SUN2: variants seen among roughly 807,000 people sequenced by gnomAD.
The protein encoded by SUN2 is Sad1 and UNC84 domain containing 2, also known as SUN domain-containing protein 2.
In SUN2, 60 loss-of-function variants were observed where a neutral mutation model predicts 100.0. That is an observed-to-expected ratio of 0.60 (90% CI 0.49 to 0.74). The LOEUF (loss-of-function observed/expected upper bound fraction) is 0.74. Ranked by LOEUF, SUN2 falls within the 30% of genes least tolerant of loss-of-function variation. The pLI is 0.00. For synonymous variants in SUN2, 367 were observed against 403.3 expected, an observed-to-expected ratio of 0.91 and a Z score of 1.08; for missense variants, 834 against 954.6, an observed-to-expected ratio of 0.87 and a Z score of 1.66.
chr22:38,745,335 A>G (rs933984372), intron 8 of SUN2, among the ~76,000 whole-genome samples: 1 of 152,206 alleles, frequency 6.6e-6, no homozygotes, highest in African/African-American at 2.4e-5. Flanking sequence ...CAGACCAGAA[A>G]GACCACCCAG....
chr22:38,754,869 C>A (rs933424319), intron 1 of SUN2: 6 of 1,289,122 alleles, frequency 4.7e-6, no homozygotes, highest in East Asian at 1.1e-4. Context: ...GTCTTTCCTG[C>A]GGCATCCTGG....
rs975499363 is a variant in SUN2, at chr22:38,737,828, A to G, written c.2040+345T>C. On this transcript the variant is annotated intron_variant, in intron 17 of 17. Coordinates refer to ENST00000689035, the MANE Select transcript of SUN2 (RefSeq NM_015374.3). This position sits in a 1 kb window ranked among gnomAD's most constrained non-coding sequence, Gnocchi z 4.1. ...GCACTGCCTGAGGCTCCAGCTGGCC[A>G]TGGTAGAATGCCCGCGCCCTGGCAT... 10 of 495,000 alleles carry G rather than the reference A, an allele frequency of 2.0e-5. No homozygotes were observed. The highest frequency in any genetic ancestry group is 3.6e-5 in the Non-Finnish European group (9 of 250,122). 30.7% of individuals were successfully genotyped at this position (495,000 alleles called of 1,614,324 possible). A position where few individuals can be genotyped will look rare whatever the true frequency, so the allele number is the denominator to read the frequency against.
intron 17 of SUN2, chr22:38,736,595 C>T: frequency 2.4e-6 from 1 of 419,830 alleles, no homozygotes; most frequent in South Asian, 5.5e-5. Context: ...TAGCACACTT[C>T]ATCTGAAACC....
intron 3 of SUN2, 64 bp from the exon 4 acceptor site, chr22:38,751,099 GC>G (rs1569305436): frequency 6.2e-7 from 1 of 1,610,144 alleles, no homozygotes; most frequent in Non-Finnish European, 8.5e-7. Context: ...TGGGGTCTGG[GC>G]AGAGAGGTGC....
intron 17 of SUN2, 172 bp from the exon 18 acceptor site, chr22:38,736,552 G>C: frequency 1.9e-6 from 1 of 514,360 alleles, no homozygotes; most frequent in Non-Finnish European, 3.4e-6. Context: ...CTCCTGAGCA[G>C]TGTTTCCAGC....
At chr22:38,749,923 C>T (rs927899466) in intron 5 of SUN2, 64 bp from the exon 6 acceptor site, 128 of 1,494,468 alleles carry the variant, frequency 8.6e-5, no homozygotes, top group Non-Finnish European at 9.9e-5. Flanking sequence ...TCCTTTGTCC[C>T]GTCTGCCGTC....
chr22:38,749,415 C>A (rs1443645834), intron 6 of SUN2, among the ~76,000 whole-genome samples: 1 of 152,218 alleles, frequency 6.6e-6, no homozygotes, highest in Non-Finnish European at 1.5e-5. Context: ...AACCCCACTT[C>A]TTGCCTGGAG....
In SUN2 at chr22:38,739,172, G is replaced by T; in HGVS notation, c.1663+170C>A. ...CCTGGCCCAGGATGGTACTCGGTAC[G>T]TCCTGACTTCCCTGAATTGCCACTT... On this transcript the variant is annotated intron_variant, in intron 14 of 17. Transcript: ENST00000689035. This position sits in a 1 kb window ranked among gnomAD's most constrained non-coding sequence, Gnocchi z 6.7. 1.1e-6 allele frequency: 1 copy of T among 900,150 alleles called. No individual in the cohort carries two copies. The highest frequency in any genetic ancestry group is 1.8e-6 in the Non-Finnish European group (1 of 567,936). 55.8% of individuals were successfully genotyped at this position (900,150 alleles called of 1,614,324 possible). A position where few individuals can be genotyped will look rare whatever the true frequency, so the allele number is the denominator to read the frequency against.
Position 38,740,923 on chromosome 22 carries a change from C to T in SUN2, c.1190+84G>A. Reference sequence around the variant, plus strand: ...GGCAAGATGATCAGAACTCTCTGCTCTGCGGCTCTGCTCCCCAGTCCTGCC... The same window carrying T: ...GGCAAGATGATCAGAACTCTCTGCTTTGCGGCTCTGCTCCCCAGTCCTGCC... On this transcript the variant is annotated intron_variant, in intron 11 of 17. Coordinates refer to ENST00000689035, the MANE Select transcript of SUN2 (RefSeq NM_015374.3). This position sits in a 1 kb window ranked among gnomAD's most constrained non-coding sequence, Gnocchi z 4.8. 1 of 1,403,744 alleles carries T rather than the reference C, an allele frequency of 7.1e-7. No individual in the cohort carries two copies. The highest frequency in any genetic ancestry group is 2.0e-5 in the Admixed American group (1 of 50,930). 87.0% of individuals were successfully genotyped at this position (1,403,744 alleles called of 1,614,324 possible).
Position 38,735,854 on chromosome 22 carries a change from C to A in SUN2, c.*413G>T. Reference sequence around the variant, plus strand: ...CTCCCAGAGGGCCTCGCTTCCTTGCCCAGGGGCAGAGGCAGCTCACCTAGC... The same window carrying A: ...CTCCCAGAGGGCCTCGCTTCCTTGCACAGGGGCAGAGGCAGCTCACCTAGC... On this transcript the variant is annotated 3_prime_UTR_variant, in exon 18 of 18. Transcript: ENST00000689035. The A allele has an allele frequency of 5.8e-6, 1 of 172,780 alleles. No individual in the cohort carries two copies. The highest frequency in any genetic ancestry group is 1.3e-5 in the Non-Finnish European group (1 of 78,736). 10.7% of individuals were successfully genotyped at this position (172,780 alleles called of 1,614,324 possible).
Position 38,740,169 on chromosome 22 carries a change from G to T in SUN2, c.1356+98C>A, listed in dbSNP as rs1429781272. On this transcript the variant is annotated intron_variant, in intron 12 of 17. Transcript: ENST00000689035. This position sits in a 1 kb window ranked among gnomAD's most constrained non-coding sequence, Gnocchi z 4.8. ...GCCACAGTCTCTTGGGCATAACAGA[G>T]GCTGCAGGGGCAAGGGGTGCTGCTT... 1.8e-5 allele frequency: 25 copies of T among 1,405,584 alleles called. No homozygotes were observed. Among genetic ancestry groups the T allele is most frequent in the Non-Finnish European group, 2.3e-5 (25 of 1,066,266 alleles). 87.1% of individuals were successfully genotyped at this position (1,405,584 alleles called of 1,614,324 possible). A position where few individuals can be genotyped will look rare whatever the true frequency, so the allele number is the denominator to read the frequency against.
chr22:38,746,310 C>T (rs370203640), intron 7 of SUN2, among the ~76,000 whole-genome samples: 89 of 152,294 alleles, frequency 5.8e-4, no homozygotes, highest in African/African-American at 2.0e-3. Context: ...GAAAGCACCA[C>T]CCCCTCTAAG....
rs1225269444 is a variant in SUN2, at chr22:38,750,779, A to G, written c.424+119T>C. 1.4e-5 allele frequency: 20 copies of G among 1,467,496 alleles called. No individual in the cohort carries two copies. The East Asian group carries it at 4.7e-4, about 34-fold the overall frequency. 90.9% of individuals were successfully genotyped at this position (1,467,496 alleles called of 1,614,324 possible). On this transcript the variant is annotated intron_variant, in intron 4 of 17. Coordinates refer to ENST00000689035, the MANE Select transcript of SUN2 (RefSeq NM_015374.3). Reference sequence around the variant, plus strand: ...GGGCGCACCCAGGGCCGGGCATGGGAGGGGCGCTGTGCCTGCCACATGCTG... The same window carrying G: ...GGGCGCACCCAGGGCCGGGCATGGGGGGGGCGCTGTGCCTGCCACATGCTG...
At position 38,737,653 on chromosome 22, in the gene SUN2, C is replaced by T. The variant is rs1054865426; in HGVS notation, c.2040+520G>A. 5 of 343,516 alleles carry T rather than the reference C, an allele frequency of 1.5e-5. No individual in the cohort carries two copies. The highest frequency in any genetic ancestry group is 2.3e-5 in the Non-Finnish European group (4 of 174,150). The allele number at this position is 343,516 out of a possible 1,614,324, so 21.3% of individuals were successfully genotyped here. A position where few individuals can be genotyped will look rare whatever the true frequency, so the allele number is the denominator to read the frequency against. On this transcript the variant is annotated intron_variant, in intron 17 of 17. Coordinates refer to ENST00000689035, the MANE Select transcript of SUN2 (RefSeq NM_015374.3). This position sits in a 1 kb window ranked among gnomAD's most constrained non-coding sequence, Gnocchi z 4.1. ...CCAATTCCTCACTCCAGGACTCCCC[C>T]GGTGTGGGGCTTAGGCCAATGGTTT...
At chr22:38,750,342 G>A (rs200014029) in intron 4 of SUN2, 22 bp from the exon 5 acceptor site, 68 of 1,613,450 alleles carry the variant, frequency 4.2e-5, no homozygotes, top group Middle Eastern at 1.7e-4. Context: ...GAGGACACTG[G>A]CTCAGTCTCT....
chr22:38,742,205 G>A, intron 9 of SUN2, 96 bp downstream of exon 9: 2 of 1,441,152 alleles, frequency 1.4e-6, no homozygotes, highest in Non-Finnish European at 1.9e-6. Flanking sequence ...AGAGCTGTCT[G>A]ATCCCAAATG....
At chr22:38,747,696 A>G (rs2068220001) in intron 7 of SUN2, among the ~76,000 whole-genome samples, 1 of 152,200 alleles carries the variant, frequency 6.6e-6, no homozygotes, top group Non-Finnish European at 1.5e-5. Context: ...TAATCCCGAC[A>G]CTTTGGGAGG....
chr22:38,745,087 C>T, intron 8 of SUN2: 1 of 471,148 alleles, frequency 2.1e-6, no homozygotes, highest in South Asian at 1.5e-5. Context: ...TGACGGTGTG[C>T]TGGTTCTGGA....
Position 38,739,334 on chromosome 22 carries a change from G to A in SUN2, c.1663+8C>T, listed in dbSNP as rs759907275. The A allele has an allele frequency of 6.2e-7, 1 of 1,612,792 alleles. No individual in the cohort carries two copies. Among genetic ancestry groups the A allele is most frequent in the Non-Finnish European group, 8.5e-7 (1 of 1,179,824 alleles). On this transcript the variant is annotated splice_region_variant and intron_variant, in intron 14 of 17. Coordinates refer to ENST00000689035, the MANE Select transcript of SUN2 (RefSeq NM_015374.3). The surrounding 1 kb of genome is among the most constrained non-coding windows in gnomAD (Gnocchi z 6.7). ...GACAAGGCAGAGCGAGGAAAGCAGAGCACGTACCTCCTGACTCCAGGGCGT... is the reference window on the plus strand; with the variant it reads ...GACAAGGCAGAGCGAGGAAAGCAGAACACGTACCTCCTGACTCCAGGGCGT...
Sources: allele counts gnomAD v4.1 joint callset (sites outside exome capture counted in the v4.1 genomes callset), GRCh38; gene constraint gnomAD v4.1.1; non-coding constraint Gnocchi (gnomAD v3.1); transcripts MANE v1.5; gene names NCBI Gene and HGNC (gene_info 2026-07-23, HGNC 2026-07-21).